THSD7B: variants seen among roughly 807,000 people sequenced by gnomAD.
The protein encoded by THSD7B is thrombospondin type-1 domain-containing protein 7B.
Under a neutral mutation model 213.6 loss-of-function variants are expected in THSD7B, and 138 were observed. The observed-to-expected ratio is 0.65, with a 90% CI of 0.56 to 0.74. THSD7B has a LOEUF of 0.74. Among genes scored for constraint, THSD7B ranks in the 30% least tolerant of loss-of-function variants. The pLI, the probability that THSD7B is intolerant of heterozygous loss-of-function variation, is 0.00. For missense variants in THSD7B, 1,931 were observed against 1,991.5 expected (o/e 0.97, Z 0.58); for synonymous variants, 742 against 687.0 (o/e 1.08, Z -1.25).
intron 10 of THSD7B, among the ~76,000 whole-genome samples, chr2:137,251,619 G>A (rs1436106361): frequency 6.6e-6 from 1 of 152,188 alleles, no homozygotes; most frequent in Non-Finnish European, 1.5e-5. Flanking sequence ...TTGTGGTCAT[G>A]TGCAATCTTT....
At chr2:137,069,150 T>A (rs1326927018) in intron 3 of THSD7B, among the ~76,000 whole-genome samples, 4 of 152,096 alleles carry the variant, frequency 2.6e-5, no homozygotes, top group Non-Finnish European at 5.9e-5. Flanking sequence ...CTTTTTCATT[T>A]TGACAGGAGT....
chr2:137,478,141 C>T (rs921749670), intron 15 of THSD7B, among the ~76,000 whole-genome samples: 1 of 152,062 alleles, frequency 6.6e-6, no homozygotes, highest in Non-Finnish European at 1.5e-5. Flanking sequence ...TTTTCTTAGA[C>T]TTGGGAAGTT....
chr2:136,818,434 T>C (rs1173157837), intron 1 of THSD7B, among the ~76,000 whole-genome samples: 3 of 150,422 alleles, frequency 2.0e-5, no homozygotes, highest in African/African-American at 7.4e-5. Context: ...CATTGGGAGA[T>C]ATACCTAATG....
At chr2:137,251,521 C>G (rs1682177334) in intron 10 of THSD7B, among the ~76,000 whole-genome samples, 1 of 152,124 alleles carries the variant, frequency 6.6e-6, no homozygotes, top group East Asian at 1.9e-4. Context: ...TGTTTTCAAC[C>G]ATATGGTTAT....
chr2:136,766,712 A>T (rs1681403418), intron 1 of THSD7B, among the ~76,000 whole-genome samples: 1 of 152,190 alleles, frequency 6.6e-6, no homozygotes, highest in African/African-American at 2.4e-5. Flanking sequence ...ATTGCGATTC[A>T]ATACTGTACA....
chr2:137,390,066 C>A (rs1341257376), intron 12 of THSD7B, among the ~76,000 whole-genome samples: 1 of 151,992 alleles, frequency 6.6e-6, no homozygotes, highest in East Asian at 1.9e-4. Context: ...TTAGGATTAC[C>A]CTTTCTATTT....
intron 12 of THSD7B, among the ~76,000 whole-genome samples, chr2:137,289,748 G>C (rs80268932): frequency 0.01 from 1,578 of 151,960 alleles, 12 homozygotes; most frequent in Middle Eastern, 0.017. Context: ...TTAAAACTCA[G>C]GGTTCAAAGA....
At chr2:137,285,980 G>A (rs145518971) in intron 12 of THSD7B, among the ~76,000 whole-genome samples, 2,025 of 151,188 alleles carry the variant, frequency 0.013, 26 homozygotes, top group Non-Finnish European at 0.022. Flanking sequence ...GGTGGGTGCC[G>A]GTAATCCCAA....
chr2:136,778,716 C>A (rs1318617022), intron 1 of THSD7B, among the ~76,000 whole-genome samples: 1 of 152,104 alleles, frequency 6.6e-6, no homozygotes, highest in Non-Finnish European at 1.5e-5. Flanking sequence ...TTAAAAAAAT[C>A]TGGTCAGAAA....
At chr2:136,922,994 A>G (rs547142627) in intron 2 of THSD7B, among the ~76,000 whole-genome samples, 1 of 152,284 alleles carries the variant, frequency 6.6e-6, no homozygotes, top group South Asian at 2.1e-4. Context: ...TACTATCTTA[A>G]CTATTTTTAA....
At chr2:137,652,424 T>G (rs1683158440) in intron 21 of THSD7B, among the ~76,000 whole-genome samples, 1 of 152,124 alleles carries the variant, frequency 6.6e-6, no homozygotes, top group Non-Finnish European at 1.5e-5. Flanking sequence ...TTCTTTCACT[T>G]TCAATGTCTT....
At chr2:137,600,059 C>T (rs1682046863) in intron 17 of THSD7B, among the ~76,000 whole-genome samples, 1 of 152,142 alleles carries the variant, frequency 6.6e-6, no homozygotes, top group South Asian at 2.1e-4. Context: ...TCTTCATCAT[C>T]TCTCCCTTTT....
At chr2:137,546,861 T>C (rs1573699216) in intron 15 of THSD7B, among the ~76,000 whole-genome samples, 1 of 151,812 alleles carries the variant, frequency 6.6e-6, no homozygotes, top group Admixed American at 6.6e-5. Flanking sequence ...TTACCAACAG[T>C]AGTCTTTCCT....
At chr2:136,807,562 A>G (rs1331545515) in intron 1 of THSD7B, among the ~76,000 whole-genome samples, 1 of 128,516 alleles carries the variant, frequency 7.8e-6, no homozygotes. Context: ...GCTGGAGTGC[A>G]GTGGCACAAT....
chr2:136,851,238 T>G (rs1183190207), intron 1 of THSD7B, among the ~76,000 whole-genome samples: 1 of 152,146 alleles, frequency 6.6e-6, no homozygotes, highest in Non-Finnish European at 1.5e-5. Context: ...TCTATAATTA[T>G]CTTTTTATAC....
intron 9 of THSD7B, among the ~76,000 whole-genome samples, chr2:137,237,450 C>T (rs1205950580): frequency 6.6e-6 from 1 of 152,184 alleles, no homozygotes; most frequent in Non-Finnish European, 1.5e-5. Flanking sequence ...GCACAGAATA[C>T]TATTCAGTCA....
chr2:137,596,757 C>T (rs565390340), intron 17 of THSD7B, among the ~76,000 whole-genome samples: 39 of 151,776 alleles, frequency 2.6e-4, no homozygotes, highest in African/African-American at 9.4e-4. Flanking sequence ...CTCCTCCTTT[C>T]TTCTTCAAGA....
intron 7 of THSD7B, among the ~76,000 whole-genome samples, chr2:137,207,400 C>G (rs954701376): frequency 6.6e-6 from 1 of 151,976 alleles, no homozygotes. Context: ...GTAAAGGACG[C>G]ATATTATAAA....
chr2:137,334,503 C>T (rs1442960407), intron 12 of THSD7B, among the ~76,000 whole-genome samples: 3 of 152,112 alleles, frequency 2.0e-5, no homozygotes, highest in Non-Finnish European at 4.4e-5. Flanking sequence ...CTCCCTGACC[C>T]TTCAGCTCAA....
Sources: gnomAD v4.1 joint callset for allele counts (sites outside exome capture counted in the v4.1 genomes callset) on GRCh38, gnomAD v4.1.1 for gene constraint, MANE v1.5 for transcripts, NCBI Gene and HGNC (gene_info 2026-07-23, HGNC 2026-07-21) for gene names.